The following TNS1 variants were observed in gnomAD, a reference collection of about 807,000 sequenced individuals.
TNS1 encodes tensin 1.
A neutral mutation model predicts 168.6 loss-of-function variants in TNS1; 62 were observed. That is an observed-to-expected ratio of 0.37 (90% CI 0.30 to 0.45). The LOEUF is 0.45. TNS1 is among the 20% of genes least tolerant of loss of function. The probability of loss-of-function intolerance (pLI) is 1.00; values close to 1 mark genes in which losing one functional copy is unlikely to be tolerated. For missense variants in TNS1, 2,240 were observed against 2,339.4 expected, an observed-to-expected ratio of 0.96 and a Z score of 0.88; for synonymous variants, 934 against 933.2, an observed-to-expected ratio of 1.00 and a Z score of -0.02.
intron 23 of TNS1, among the ~76,000 whole-genome samples, chr2:217,819,032 T>C (rs1315768867): frequency 1.3e-5 from 2 of 152,200 alleles, no homozygotes; most frequent in Admixed American, 6.5e-5. Flanking sequence ...AGCCCACGTC[T>C]TCCCCACTGC....
chr2:217,885,302 A>G, intron 15 of TNS1, 138 bp from the exon 16 acceptor site: 1 of 1,228,370 alleles, frequency 8.1e-7, no homozygotes, highest in South Asian at 1.5e-5. Flanking sequence ...ATCAACACCA[A>G]ACAGGATCTC....
chr2:217,891,645 C>T (rs936815005), intron 11 of TNS1, among the ~76,000 whole-genome samples: 4 of 152,230 alleles, frequency 2.6e-5, no homozygotes, highest in Non-Finnish European at 5.9e-5. Context: ...GAAAAGATCA[C>T]GAAGCTCCAG....
chr2:217,920,350 A>G, intron 3 of TNS1, 114 bp from the exon 4 acceptor site: 1 of 683,486 alleles, frequency 1.5e-6, no homozygotes, highest in Non-Finnish European at 2.7e-6. Flanking sequence ...ACGGGCTGAC[A>G]CCTTCTGGGT....
intron 4 of TNS1, among the ~76,000 whole-genome samples, chr2:217,909,571 C>CCACA (rs3054350): frequency 0.37 from 54,953 of 147,084 alleles, 11,450 homozygotes; most frequent in East Asian, 0.58. Flanking sequence ...GCCTGGGTGC[C>CCACA]CACACACACA....
chr2:218,004,757 C>G (rs892628256), upstream of TNS1, among the ~76,000 whole-genome samples: 1 of 152,146 alleles, frequency 6.6e-6, no homozygotes, highest in Non-Finnish European at 1.5e-5. Flanking sequence ...TCCAAGTCCT[C>G]CAGAGCTCTG....
intron 12 of TNS1, chr2:217,890,290 C>G (rs1407246311): frequency 6.6e-6 from 1 of 152,326 alleles, no homozygotes. Context: ...AGCCTCATTG[C>G]TGTCTGACAC....
intron 27 of TNS1, among the ~76,000 whole-genome samples, chr2:217,812,838 G>A (rs950567182): frequency 6.6e-6 from 1 of 151,972 alleles, no homozygotes. Flanking sequence ...GTTTTTTCAT[G>A]TGTCAATTCC....
At chr2:218,004,026 C>A (rs1574478225), upstream of TNS1, among the ~76,000 whole-genome samples, 1 of 152,204 alleles carries the variant, frequency 6.6e-6, no homozygotes, top group African/African-American at 2.4e-5. Flanking sequence ...TGTCTGGAAC[C>A]ACCACGTTCC....
intron 3 of TNS1, among the ~76,000 whole-genome samples, chr2:217,971,693 T>C (rs538430689): frequency 6.6e-6 from 1 of 152,318 alleles, no homozygotes; most frequent in South Asian, 2.1e-4. Flanking sequence ...CCACCACTGG[T>C]TACCACTTTT....
intron 3 of TNS1, among the ~76,000 whole-genome samples, chr2:217,961,258 C>T (rs373629341): frequency 7.2e-6 from 1 of 139,822 alleles, no homozygotes; most frequent in African/African-American, 2.8e-5. Context: ...CACACACACA[C>T]ACAGAGAGAG....
intron 3 of TNS1, among the ~76,000 whole-genome samples, chr2:217,934,757 G>C (rs1397192862): frequency 2.0e-5 from 3 of 152,142 alleles, no homozygotes; most frequent in Non-Finnish European, 4.4e-5. Flanking sequence ...TCCAATTCCA[G>C]TGCTGGAAGG....
At chr2:217,824,217 C>T (rs1256050747) in intron 22 of TNS1, among the ~76,000 whole-genome samples, 1 of 152,186 alleles carries the variant, frequency 6.6e-6, no homozygotes, top group Non-Finnish European at 1.5e-5. Context: ...CCACAGTGTG[C>T]TGACCCCTGA....
At chr2:217,917,829 C>CAAAAAA (rs79888115) in intron 4 of TNS1, among the ~76,000 whole-genome samples, 28 of 75,972 alleles carry the variant, frequency 3.7e-4, no homozygotes, top group African/African-American at 9.4e-4. Context: ...AGACTGTTCT[C>CAAAAAA]AAAAAAAAAA....
chr2:217,939,811 C>T (rs958305185), intron 3 of TNS1, among the ~76,000 whole-genome samples: 1 of 152,238 alleles, frequency 6.6e-6, no homozygotes, highest in Non-Finnish European at 1.5e-5. Context: ...GCCCACCCAC[C>T]ACCCCTCCCA....
At chr2:217,920,053 C>T in intron 4 of TNS1, 142 bp downstream of exon 4, 1 of 670,666 alleles carries the variant, frequency 1.5e-6, no homozygotes, top group Non-Finnish European at 2.7e-6. Context: ...CCCGCTTCGG[C>T]CCAGGGAGGT....
At chr2:217,820,162 A>G (rs956623494) in intron 23 of TNS1, among the ~76,000 whole-genome samples, 1 of 152,142 alleles carries the variant, frequency 6.6e-6, no homozygotes, top group Admixed American at 6.5e-5. Context: ...AGGAGACACT[A>G]AAATGGAGTT....
chr2:217,900,014 T>A (rs1339759971), intron 7 of TNS1, among the ~76,000 whole-genome samples: 2 of 152,072 alleles, frequency 1.3e-5, no homozygotes, highest in Admixed American at 6.5e-5. Context: ...GATAGGGAAC[T>A]TCCCTTTCAT....
At chr2:217,958,736 C>T (rs184344402) in intron 3 of TNS1, among the ~76,000 whole-genome samples, 70 of 152,290 alleles carry the variant, frequency 4.6e-4, no homozygotes, top group African/African-American at 1.6e-3. Flanking sequence ...CTTGTTGAAC[C>T]GCCCAGGCAG....
intron 17 of TNS1, chr2:217,882,010 A>G (rs920619814): frequency 2.2e-5 from 5 of 228,680 alleles, no homozygotes; most frequent in Non-Finnish European, 3.3e-5. Context: ...CACATCTTCT[A>G]TCCAGCACCT....
Sources: allele counts gnomAD v4.1 joint callset (sites outside exome capture counted in the v4.1 genomes callset), GRCh38; gene constraint gnomAD v4.1.1; transcripts MANE v1.5; gene names NCBI Gene and HGNC (gene_info 2026-07-23, HGNC 2026-07-21).